CYFIP1: variants seen among roughly 807,000 people sequenced by gnomAD.
CYFIP1 encodes the protein cytoplasmic FMR1 interacting protein 1, also known as cytoplasmic FMR1-interacting protein 1.
CYFIP1 carries 58 observed loss-of-function variants against 163.5 expected under a neutral mutation model. The observed-to-expected ratio is 0.35, with a 90% CI of 0.29 to 0.44. The LOEUF (loss-of-function observed/expected upper bound fraction) is 0.44. CYFIP1 is among the 20% of genes least tolerant of loss of function. The pLI is 1.00. For missense variants in CYFIP1, 1,338 were observed against 1,653.8 expected (o/e 0.81, Z 3.31); for synonymous variants, 663 against 660.7 (o/e 1.00, Z -0.05).
At chr15:22,892,396 T>C (rs2060108152) in intron 23 of CYFIP1, among the ~76,000 whole-genome samples, 1 of 152,050 alleles carries the variant, frequency 6.6e-6, no homozygotes, top group African/African-American at 2.4e-5. Context: ...GTGCTCCGGG[T>C]TTCCACCCTC....
chr15:22,891,606 C>G (rs1021262013), intron 23 of CYFIP1, among the ~76,000 whole-genome samples: 1 of 152,208 alleles, frequency 6.6e-6, no homozygotes, highest in African/African-American at 2.4e-5. Flanking sequence ...AGGCCGCCCC[C>G]GGCCCACACT....
intron 1 of CYFIP1, among the ~76,000 whole-genome samples, chr15:22,961,327 T>C (rs1290655893): frequency 6.6e-6 from 1 of 152,150 alleles, no homozygotes; most frequent in Admixed American, 6.5e-5. Context: ...TGGCCTTAAT[T>C]TTCATTTCTT....
intron 1 of CYFIP1, among the ~76,000 whole-genome samples, chr15:22,952,026 GTATT>G (rs1480767309): frequency 6.6e-6 from 1 of 152,146 alleles, no homozygotes; most frequent in Non-Finnish European, 1.5e-5. Context: ...AAAAATAACA[GTATT>G]TATGTGGTCA....
intron 14 of CYFIP1, 24 bp downstream of exon 14, chr15:22,918,668 G>C: frequency 6.5e-7 from 1 of 1,546,352 alleles, no homozygotes; most frequent in Non-Finnish European, 8.7e-7. Context: ...GGCACAGCGG[G>C]CACAGGGCGT....
At chr15:22,901,264 T>C (rs866460556) in intron 22 of CYFIP1, among the ~76,000 whole-genome samples, 4 of 151,822 alleles carry the variant, frequency 2.6e-5, no homozygotes, top group Admixed American at 2.6e-4. Context: ...AGTGTGAAGA[T>C]AACTGATTCG....
intron 28 of CYFIP1, 107 bp from the exon 29 acceptor site, chr15:22,873,836 G>C: frequency 1.9e-6 from 2 of 1,034,756 alleles, no homozygotes. Flanking sequence ...CTGCTGCCTA[G>C]GCTGGAGTGC....
At chr15:22,876,252 G>T (rs1172881606) in intron 26 of CYFIP1, among the ~76,000 whole-genome samples, 1 of 151,982 alleles carries the variant, frequency 6.6e-6, no homozygotes, top group Non-Finnish European at 1.5e-5. Flanking sequence ...AGACCAAGAG[G>T]AAGAAAGGCA....
At chr15:22,975,441 C>CTAAA (rs1801548964) in intron 1 of CYFIP1, among the ~76,000 whole-genome samples, 1 of 71,352 alleles carries the variant, frequency 1.4e-5, no homozygotes, top group Non-Finnish European at 2.4e-5. Flanking sequence ...GACTCCGTCT[C>CTAAA]AAAAAAAAAA....
intron 22 of CYFIP1, among the ~76,000 whole-genome samples, chr15:22,897,340 A>C (rs1173284833): frequency 3.3e-5 from 5 of 152,030 alleles, no homozygotes; most frequent in Non-Finnish European, 7.4e-5. Context: ...GAGAGTGTTG[A>C]ATGTCTTGGG....
chr15:22,873,020 G>T (rs754039037), intron 29 of CYFIP1, 48 bp from the exon 30 acceptor site: 25 of 1,600,198 alleles, frequency 1.6e-5, no homozygotes, highest in Non-Finnish European at 2.0e-5. Context: ...GATACGTTAT[G>T]AAGTCTTTTC....
At chr15:22,945,174 C>G (rs1303314244) in intron 3 of CYFIP1, among the ~76,000 whole-genome samples, 25 of 152,182 alleles carry the variant, frequency 1.6e-4, no homozygotes, top group Non-Finnish European at 5.9e-5. Context: ...GACACGCAGG[C>G]ATCTCTGAGG....
chr15:22,902,875 G>A (rs959646025), intron 22 of CYFIP1, among the ~76,000 whole-genome samples: 8 of 152,304 alleles, frequency 5.3e-5, no homozygotes, highest in Admixed American at 2.6e-4. Context: ...GGGCAGCTGC[G>A]CCTCTCCTCT....
chr15:22,955,004 C>T (rs1419274055), intron 1 of CYFIP1, among the ~76,000 whole-genome samples: 1 of 152,180 alleles, frequency 6.6e-6, no homozygotes, highest in Admixed American at 6.5e-5. Context: ...TCTGAGCTCA[C>T]ATCATGCTGC....
chr15:22,873,404 T>C, intron 29 of CYFIP1, 87 bp downstream of exon 29: 1 of 1,111,598 alleles, frequency 9.0e-7, no homozygotes, highest in Non-Finnish European at 1.3e-6. Context: ...TGAGCATGGC[T>C]GGCTGCTTGT....
At chr15:22,913,481 T>C (rs2060851205) in intron 17 of CYFIP1, among the ~76,000 whole-genome samples, 1 of 131,476 alleles carries the variant, frequency 7.6e-6, no homozygotes, top group Non-Finnish European at 1.5e-5. Context: ...TGAGCTGAGA[T>C]TGTGCCACTG....
At chr15:22,924,571 C>G (rs12592209) in intron 13 of CYFIP1, among the ~76,000 whole-genome samples, 44,973 of 151,770 alleles carry the variant, frequency 0.3, 6,794 homozygotes, top group South Asian at 0.42. Context: ...TGGCTGCATA[C>G]GGTTGAGGGA....
At chr15:22,910,483 C>T (rs1308112057) in intron 20 of CYFIP1, 37 bp downstream of exon 20, 2 of 1,555,026 alleles carry the variant, frequency 1.3e-6, no homozygotes, top group Non-Finnish European at 8.9e-7. Flanking sequence ...TTTCAATGCA[C>T]ACTCTACGTC....
intron 1 of CYFIP1, among the ~76,000 whole-genome samples, chr15:22,957,099 C>T (rs796398706): frequency 1.8e-4 from 28 of 152,288 alleles, no homozygotes; most frequent in Non-Finnish European, 3.7e-4. Context: ...CTGTGGCAGG[C>T]GGCACGCCGA....
rs183587576 is a variant in CYFIP1, at chr15:22,943,050, G to A, written c.569+123C>T. On this transcript the variant is annotated intron_variant, in intron 6 of 30. Transcript: ENST00000617928. ...GCTCACACAGCCCTGACACTGAGAC[G>A]TAGCTGCTGCCTACCAGAAGTGACG... is the stretch of plus-strand genomic sequence containing the variant. The A allele has an allele frequency of 5.2e-4, 449 of 868,936 alleles. 4 individuals carry two copies. In the Middle Eastern group the frequency reaches 0.01, roughly 20 times the overall value. The allele number at this position is 868,936 out of a possible 1,614,324, so 53.8% of individuals were successfully genotyped here.
Sources: allele counts gnomAD v4.1 joint callset (sites outside exome capture counted in the v4.1 genomes callset), GRCh38; gene constraint gnomAD v4.1.1; transcripts MANE v1.5; gene names NCBI Gene and HGNC (gene_info 2026-07-23, HGNC 2026-07-21).